PRKCZ: variants seen among roughly 807,000 people sequenced by gnomAD.
PRKCZ encodes protein kinase C zeta type.
A neutral mutation model predicts 79.5 loss-of-function variants in PRKCZ; 33 were observed. The observed-to-expected ratio is 0.41, with a 90% CI of 0.31 to 0.55. The LOEUF (loss-of-function observed/expected upper bound fraction) is 0.55, where lower values mean the gene tolerates loss of function less well. PRKCZ is among the 20% of genes least tolerant of loss of function. The pLI is 0.19. For synonymous variants in PRKCZ, 342 were observed against 320.9 expected (o/e 1.07, Z -0.70); for missense variants, 578 against 813.5 (o/e 0.71, Z 3.52).
chr1:2,117,352 C>T (rs188126038), intron 4 of PRKCZ, among the ~76,000 whole-genome samples: 134 of 150,030 alleles, frequency 8.9e-4, no homozygotes, highest in African/African-American at 2.7e-3. Context: ...TGTTTTAAGC[C>T]GTATTACTTT....
At chr1:2,092,258 G>A (rs375970413) in intron 4 of PRKCZ, among the ~76,000 whole-genome samples, 1 of 152,130 alleles carries the variant, frequency 6.6e-6, no homozygotes. Context: ...GGAGGAGGCC[G>A]GGAACCCTGC....
chr1:2,144,109 A>G (rs371297129), intron 5 of PRKCZ, 101 bp from the exon 6 acceptor site: 1 of 1,458,670 alleles, frequency 6.9e-7, no homozygotes. Flanking sequence ...TGCCCGGCTC[A>G]GTGTCCTCTT....
At chr1:2,135,673 A>G (rs1676046783) in intron 5 of PRKCZ, among the ~76,000 whole-genome samples, 1 of 152,158 alleles carries the variant, frequency 6.6e-6, no homozygotes, top group Non-Finnish European at 1.5e-5. Flanking sequence ...GGGCGGCCGC[A>G]TTCCATCCGC....
rs1467808877 is a variant in PRKCZ at position 2,169,816 on chromosome 1, G to A, written c.1061+212G>A. ...CGGGGGCGGGGGGGGCGGGGTGCAC[G>A]TGGAGGGGGCCGGGGACCTTCTCCA... is the stretch of plus-strand genomic sequence containing the variant. On this transcript the variant is annotated intron_variant, in intron 11 of 17. Transcript: ENST00000378567. Among the ~76,000 whole-genome samples, 18 of 143,234 alleles carry A rather than the reference G, an allele frequency of 1.3e-4. No individual in the cohort carries two copies. In the East Asian group the frequency reaches 3.3e-3, roughly 27 times the overall value. The allele number at this position is 143,234 out of a possible 152,430, so 94.0% of individuals were successfully genotyped here.
At chr1:2,183,112 T>A (rs2100566606) in intron 16 of PRKCZ, among the ~76,000 whole-genome samples, 1 of 152,252 alleles carries the variant, frequency 6.6e-6, no homozygotes, top group East Asian at 1.9e-4. Context: ...GCGCCTGTAC[T>A]CCCAGCTACT....
At chr1:2,139,995 T>G (rs1676996248) in intron 5 of PRKCZ, among the ~76,000 whole-genome samples, 1 of 152,172 alleles carries the variant, frequency 6.6e-6, no homozygotes, top group Admixed American at 6.5e-5. Context: ...GCCCAAGACT[T>G]TGGCCTTTAT....
chr1:2,117,246 G>C (rs182659191), intron 4 of PRKCZ, among the ~76,000 whole-genome samples: 1 of 152,086 alleles, frequency 6.6e-6, no homozygotes, highest in East Asian at 1.9e-4. Context: ...CACTGCACCC[G>C]GCCTTAAATT....
chr1:2,163,019 G>A (rs1348407552), intron 10 of PRKCZ, among the ~76,000 whole-genome samples: 8 of 152,140 alleles, frequency 5.3e-5, no homozygotes, highest in Non-Finnish European at 1.0e-4. Context: ...GCATCTGCAG[G>A]TGGGGCAGCA....
intron 4 of PRKCZ, among the ~76,000 whole-genome samples, chr1:2,109,402 A>C (rs778530645): frequency 6.6e-6 from 1 of 152,180 alleles, no homozygotes; most frequent in Non-Finnish European, 1.5e-5. Flanking sequence ...TGGTGGCCTC[A>C]GTTTTCTCAT....
At chr1:2,087,603 C>A (rs1226319834) in intron 4 of PRKCZ, among the ~76,000 whole-genome samples, 1 of 152,168 alleles carries the variant, frequency 6.6e-6, no homozygotes, top group Non-Finnish European at 1.5e-5. Flanking sequence ...TGGGTTGTAT[C>A]CCATCACCTG....
chr1:2,088,284 T>C (rs925340257), intron 4 of PRKCZ, among the ~76,000 whole-genome samples: 6 of 152,092 alleles, frequency 3.9e-5, no homozygotes, highest in Admixed American at 3.9e-4. Flanking sequence ...CCCCCTTGCC[T>C]GGATGGTGCG....
chr1:2,184,081 A>C (rs1193833198), intron 16 of PRKCZ: 1 of 153,356 alleles, frequency 6.5e-6, no homozygotes, highest in East Asian at 1.9e-4. Flanking sequence ...CCTGCTGGGC[A>C]TTTTCCTGCC....
intron 4 of PRKCZ, among the ~76,000 whole-genome samples, chr1:2,086,719 T>C (rs1664593185): frequency 6.6e-6 from 1 of 152,220 alleles, no homozygotes; most frequent in African/African-American, 2.4e-5. Flanking sequence ...GGGGATTCGA[T>C]GTGCAGTTCC....
Position 2,094,187 on chromosome 1 carries a change from C to G in PRKCZ, c.334+34596C>G, listed in dbSNP as rs567190086. 2.0e-5 allele frequency among the ~76,000 whole-genome samples: 3 copies of G among 152,262 alleles called. No homozygotes were observed. The highest frequency in any genetic ancestry group is 6.5e-5 in the Admixed American group (1 of 15,308). On this transcript the variant is annotated intron_variant, in intron 4 of 17. Coordinates refer to ENST00000378567, the MANE Select transcript of PRKCZ (RefSeq NM_002744.6). This position sits in a 1 kb window ranked among gnomAD's most constrained non-coding sequence, Gnocchi z 7.3. Reference sequence around the variant, plus strand: ...TCCCCCGTCCCGGGAGCAGCCCCCCCACTTCCACCTGTCTTGGACGGGAGC... The same window carrying G: ...TCCCCCGTCCCGGGAGCAGCCCCCCGACTTCCACCTGTCTTGGACGGGAGC...
chr1:2,175,450 C>A, intron 16 of PRKCZ, 137 bp downstream of exon 16: 1 of 673,906 alleles, frequency 1.5e-6, no homozygotes, highest in Non-Finnish European at 2.5e-6. Flanking sequence ...CCATCCCAAC[C>A]CCAAATTCAT....
chr1:2,174,147 C>T lies in PRKCZ; in HGVS notation c.1405+131C>T, dbSNP rs1449286235. 91 of 1,240,810 alleles carry T rather than the reference C, an allele frequency of 7.3e-5. No homozygotes were observed. In the East Asian group the frequency reaches 7.4e-4, roughly 10 times the overall value. The allele number at this position is 1,240,810 out of a possible 1,614,324, so 76.9% of individuals were successfully genotyped here. A position where few individuals can be genotyped will look rare whatever the true frequency, so the allele number is the denominator to read the frequency against. ...CATGCAAAGCGTACCGGGAACCATT[C>T]CTCCTGGCCAGACCCTGTGTCACAT... On this transcript the variant is annotated intron_variant, in intron 14 of 17. Transcript: ENST00000378567. The surrounding 1 kb of genome is among the most constrained non-coding windows in gnomAD (Gnocchi z 6.2).
chr1:2,108,821 C>T (rs1444322842), intron 4 of PRKCZ, among the ~76,000 whole-genome samples: 2 of 152,216 alleles, frequency 1.3e-5, no homozygotes, highest in Non-Finnish European at 2.9e-5. Flanking sequence ...AAGCAACACG[C>T]ATTTGTTAGC....
intron 1 of PRKCZ, among the ~76,000 whole-genome samples, chr1:2,053,554 G>A (rs1464817950): frequency 2.0e-5 from 3 of 152,192 alleles, no homozygotes; most frequent in Non-Finnish European, 4.4e-5. Flanking sequence ...CAGGGCAGCT[G>A]TTTGATTCAG....
rs755171216 is a variant in PRKCZ, at chr1:2,165,209, G to A, written c.975-4309G>A. On this transcript the variant is annotated intron_variant, in intron 10 of 17. Transcript: ENST00000378567. This position sits in a 1 kb window ranked among gnomAD's most constrained non-coding sequence, Gnocchi z 4.1. ...CTCATCTGCTGGTGTCTTCCTCAGA[G>A]CTTTAATGTCCGTCCTGCTCTCCGA... Among the ~76,000 whole-genome samples the A allele has an allele frequency of 2.6e-5, 4 of 152,186 alleles. No homozygotes were observed. Among genetic ancestry groups the A allele is most frequent in the Non-Finnish European group, 4.4e-5 (3 of 68,040 alleles).
Sources: allele counts gnomAD v4.1 joint callset (sites outside exome capture counted in the v4.1 genomes callset), GRCh38; gene constraint gnomAD v4.1.1; non-coding constraint Gnocchi (gnomAD v3.1); transcripts MANE v1.5; gene names NCBI Gene and HGNC (gene_info 2026-07-23, HGNC 2026-07-21).